Variants in PCDHGA7 observed in about 807,000 individuals in gnomAD.
PCDHGA7 encodes the protein protocadherin gamma subfamily A, 7, also known as protocadherin gamma-A7.
Under a neutral mutation model 58.3 loss-of-function variants are expected in PCDHGA7, and 44 were observed. The ratio of observed to expected loss-of-function variants is 0.75; its 90% CI spans 0.59 to 0.97. PCDHGA7 has a LOEUF of 0.97. Ranked by LOEUF, PCDHGA7 falls within the 50% of genes least tolerant of loss-of-function variation. The pLI, the probability that PCDHGA7 is intolerant of heterozygous loss-of-function variation, is 0.00. For missense variants in PCDHGA7, 1,266 were observed against 1,188.7 expected (o/e 1.06, Z -0.96); for synonymous variants, 516 against 504.2 (o/e 1.02, Z -0.31).
At chr5:141,395,111 T>G in intron 1 of PCDHGA7, 1 of 1,613,670 alleles carries the variant, frequency 6.2e-7, no homozygotes, top group Middle Eastern at 1.7e-4. Flanking sequence ...CGCGGAAGAG[T>G]CACCTGATCT....
chr5:141,449,569 A>G (rs1340921687), intron 1 of PCDHGA7, among the ~76,000 whole-genome samples: 2 of 148,390 alleles, frequency 1.3e-5, no homozygotes, highest in East Asian at 3.9e-4. Flanking sequence ...AGCCTGGGCG[A>G]CAGAGCAAGA....
At chr5:141,393,762 A>G (rs2092837336) in intron 1 of PCDHGA7, 1 of 1,613,940 alleles carries the variant, frequency 6.2e-7, no homozygotes, top group African/African-American at 1.3e-5. Context: ...ATTTTATGAA[A>G]TGGAAATACA....
At chr5:141,469,079 C>T (rs1169035651) in intron 1 of PCDHGA7, among the ~76,000 whole-genome samples, 1 of 151,492 alleles carries the variant, frequency 6.6e-6, no homozygotes, top group Non-Finnish European at 1.5e-5. Context: ...GAGTTTGAGA[C>T]CATTCTAGGC....
At chr5:141,467,920 A>G (rs1244280087) in intron 1 of PCDHGA7, among the ~76,000 whole-genome samples, 1 of 152,124 alleles carries the variant, frequency 6.6e-6, no homozygotes, top group Non-Finnish European at 1.5e-5. Flanking sequence ...CAGCCTCCCA[A>G]AATGCTAGGA....
intron 1 of PCDHGA7, among the ~76,000 whole-genome samples, chr5:141,453,510 T>C (rs11958830): frequency 0.2 from 30,607 of 152,026 alleles, 3,435 homozygotes; most frequent in African/African-American, 0.31. Flanking sequence ...AAAATTGTCA[T>C]TCCTCCCCTA....
At chr5:141,421,474 G>T (rs1320526226) in intron 1 of PCDHGA7, 3 of 1,614,014 alleles carry the variant, frequency 1.9e-6, no homozygotes, top group African/African-American at 2.7e-5. Flanking sequence ...TCCGCGAAGC[G>T]GCAGCTTGAT....
At chr5:141,390,096 C>G in intron 1 of PCDHGA7, 1 of 1,614,030 alleles carries the variant, frequency 6.2e-7, no homozygotes, top group Non-Finnish European at 8.5e-7. Context: ...ATCCGTGGTT[C>G]CCCCCAACTA....
intron 1 of PCDHGA7, chr5:141,404,152 T>C (rs769503668): frequency 1.9e-5 from 31 of 1,612,848 alleles, no homozygotes; most frequent in Non-Finnish European, 2.0e-5. Flanking sequence ...CAGAAGAAGA[T>C]TATTACAGAT....
chr5:141,495,702 T>C (rs1462896403), intron 2 of PCDHGA7, among the ~76,000 whole-genome samples: 3 of 152,212 alleles, frequency 2.0e-5, no homozygotes, highest in Non-Finnish European at 4.4e-5. Context: ...TCAATAAATG[T>C]GGAGTGAGTA....
intron 1 of PCDHGA7, among the ~76,000 whole-genome samples, chr5:141,446,193 T>C (rs1402824950): frequency 6.6e-6 from 1 of 152,208 alleles, no homozygotes; most frequent in East Asian, 1.9e-4. Flanking sequence ...TTTATTATTA[T>C]ATTCCTAGGT....
chr5:141,445,825 G>A (rs1031190864), intron 1 of PCDHGA7, among the ~76,000 whole-genome samples: 8 of 152,124 alleles, frequency 5.3e-5, no homozygotes, highest in Non-Finnish European at 1.2e-4. Context: ...AATAAGGCAG[G>A]GAGAGCCTTG....
At chr5:141,450,014 T>A (rs867473620) in intron 1 of PCDHGA7, among the ~76,000 whole-genome samples, 7,114 of 149,588 alleles carry the variant, frequency 0.048, 422 homozygotes, top group African/African-American at 0.13. Context: ...CTCTTTTTTT[T>A]TTTTTTTTTT....
chr5:141,459,289 A>G (rs2098965378), intron 1 of PCDHGA7, among the ~76,000 whole-genome samples: 1 of 152,216 alleles, frequency 6.6e-6, no homozygotes, highest in Non-Finnish European at 1.5e-5. Flanking sequence ...ATCTAAATGG[A>G]ATCCTATAAC....
At chr5:141,453,745 A>G (rs1208061874) in intron 1 of PCDHGA7, among the ~76,000 whole-genome samples, 1 of 152,264 alleles carries the variant, frequency 6.6e-6, no homozygotes, top group African/African-American at 2.4e-5. Context: ...CTTAAATAAC[A>G]TAAGTCTCCT....
chr5:141,404,722 G>C (rs1335640902), intron 1 of PCDHGA7: 2 of 1,614,138 alleles, frequency 1.2e-6, no homozygotes, highest in South Asian at 1.1e-5. Flanking sequence ...TGGTGACCAA[G>C]GTGGTGGCAG....
rs746046310 is a variant in PCDHGA7, at chr5:141,410,427, A to C, written c.2424+25104A>C. The C allele has an allele frequency of 1.9e-6, 3 of 1,613,714 alleles. No homozygotes were observed. The Admixed American group carries it at 5.0e-5, about 27-fold the overall frequency. On this transcript the variant is annotated intron_variant, in intron 1 of 3. Coordinates refer to ENST00000518325, the MANE Select transcript of PCDHGA7 (RefSeq NM_018920.4). ...AAGTCTGGACCTGTAGTTCCCCCCA[A>C]CTACAGTGAGGGGACTTTGCCTTAT...
chr5:141,428,387 G>A, intron 1 of PCDHGA7: 1 of 505,948 alleles, frequency 2.0e-6, no homozygotes, highest in South Asian at 2.0e-5. Context: ...TGCTCTTCCA[G>A]CCCCTCTGCC....
chr5:141,414,434 C>T (rs774467993), intron 1 of PCDHGA7: 5 of 1,613,704 alleles, frequency 3.1e-6, no homozygotes, highest in Non-Finnish European at 3.4e-6. Context: ...GAACAGGTAT[C>T]CTCTTACAAT....
chr5:141,477,710 GA>G lies in PCDHGA7; in HGVS notation c.2425-17095del. ...GCCCCTAGACTATGAGGATCGGCGG[GA>G]ATTTGAATTAACAGCTCATATCAGC... On this transcript the variant is annotated intron_variant, in intron 1 of 3. Coordinates refer to ENST00000518325, the MANE Select transcript of PCDHGA7 (RefSeq NM_018920.4). This position sits in a 1 kb window ranked among gnomAD's most constrained non-coding sequence, Gnocchi z 4.9. 2 of 1,613,918 alleles carry G rather than the reference GA, an allele frequency of 1.2e-6. No individual in the cohort carries two copies. Among genetic ancestry groups the G allele is most frequent in the Non-Finnish European group, 1.7e-6 (2 of 1,180,044 alleles).
Sources: gnomAD v4.1 joint callset for allele counts (sites outside exome capture counted in the v4.1 genomes callset) on GRCh38, gnomAD v4.1.1 for gene constraint, Gnocchi (gnomAD v3.1) non-coding constraint, MANE v1.5 for transcripts, NCBI Gene and HGNC (gene_info 2026-07-23, HGNC 2026-07-21) for gene names.